Variants in CXADR observed in about 807,000 individuals in gnomAD.
The protein encoded by CXADR is CXADR cell adhesion molecule.
In CXADR, 20 loss-of-function variants were observed where a neutral mutation model predicts 40.3. That is an observed-to-expected ratio of 0.50 (90% CI 0.35 to 0.72). The LOEUF (loss-of-function observed/expected upper bound fraction) is 0.72, where lower values mean the gene tolerates loss of function less well. CXADR is among the 30% of genes least tolerant of loss of function. The pLI is 0.01. For missense variants in CXADR, 332 were observed against 449.1 expected (o/e 0.74, Z 2.36); for synonymous variants, 150 against 161.3 (o/e 0.93, Z 0.53).
downstream of CXADR, among the ~76,000 whole-genome samples, chr21:17,573,634 C>T (rs926702758): frequency 6.6e-6 from 1 of 152,194 alleles, no homozygotes; most frequent in Admixed American, 6.5e-5. Flanking sequence ...TGAGGCTGGG[C>T]ACGGTGGCTC....
At chr21:17,609,962 G>A in the CXADR span, among the ~76,000 whole-genome samples, 1 of 152,136 alleles carries the variant, frequency 6.6e-6, no homozygotes, top group Admixed American at 6.5e-5. Context: ...AAATACTGTG[G>A]TATATACATG....
At chr21:17,594,764 T>A (rs1429586879), downstream of CXADR, among the ~76,000 whole-genome samples, 4 of 151,606 alleles carry the variant, frequency 2.6e-5, no homozygotes, top group Non-Finnish European at 4.4e-5. Flanking sequence ...AACTACCGCA[T>A]GTTCTCACTT....
chr21:17,627,603 TG>T, the CXADR span, among the ~76,000 whole-genome samples: 1 of 152,310 alleles, frequency 6.6e-6, no homozygotes, highest in Non-Finnish European at 1.5e-5. Context: ...TCGGGAAATA[TG>T]GTCTCTACAA....
intron 1 of CXADR, among the ~76,000 whole-genome samples, chr21:17,532,339 A>G (rs142509698): frequency 0.012 from 1,809 of 152,074 alleles, 34 homozygotes; most frequent in African/African-American, 0.042. Flanking sequence ...TTTCCTTTTG[A>G]CTTATAAATG....
chr21:17,612,377 A>C, the CXADR span: 5 of 152,226 alleles, frequency 3.3e-5, no homozygotes, highest in Non-Finnish European at 7.3e-5. Flanking sequence ...AGAGGGTGGG[A>C]AGCCGCGGGG....
At chr21:17,612,799 CAG>C in the CXADR span, 1 of 152,152 alleles carries the variant, frequency 6.6e-6, no homozygotes, top group African/African-American at 2.4e-5. Context: ...CGCTGGGCAA[CAG>C]GGAGCGCAGC....
chr21:17,623,001 T>C, the CXADR span, among the ~76,000 whole-genome samples: 1 of 152,032 alleles, frequency 6.6e-6, no homozygotes, highest in African/African-American at 2.4e-5. Flanking sequence ...TGATGACTCT[T>C]TTTTTTTGAG....
intron 6 of CXADR, among the ~76,000 whole-genome samples, chr21:17,562,698 GT>G (rs1375195654): frequency 6.6e-6 from 1 of 152,188 alleles, no homozygotes; most frequent in Non-Finnish European, 1.5e-5. Context: ...ACTTAGTGTA[GT>G]TACCTTCATC....
chr21:17,564,257 C>T (rs1042886954), intron 6 of CXADR, among the ~76,000 whole-genome samples: 5 of 148,532 alleles, frequency 3.4e-5, no homozygotes, highest in Non-Finnish European at 3.0e-5. Flanking sequence ...CTTTGGGAGG[C>T]GGAGATGGGA....
intron 1 of CXADR, among the ~76,000 whole-genome samples, chr21:17,524,379 T>C (rs976894169): frequency 6.6e-6 from 1 of 151,106 alleles, no homozygotes; most frequent in Non-Finnish European, 1.5e-5. Context: ...CTGGCCAACA[T>C]AGTGAAACCC....
chr21:17,587,366 G>A (rs2061404966), intron 7 of CXADR, among the ~76,000 whole-genome samples: 4 of 152,238 alleles, frequency 2.6e-5, no homozygotes, highest in South Asian at 4.2e-4. Flanking sequence ...CAGTGTAAAA[G>A]TGTTCCTATT....
At chr21:17,617,631 C>T in the CXADR span, among the ~76,000 whole-genome samples, 1 of 152,156 alleles carries the variant, frequency 6.6e-6, no homozygotes, top group African/African-American at 2.4e-5. Context: ...ATTAAGTGTG[C>T]AGTAGCATTG....
intron 1 of CXADR, among the ~76,000 whole-genome samples, chr21:17,517,623 A>C (rs1369650154): frequency 6.6e-6 from 1 of 152,248 alleles, no homozygotes; most frequent in African/African-American, 2.4e-5. Flanking sequence ...TTTAGCAAGC[A>C]CATGCTAGCT....
chr21:17,607,234 T>C, the CXADR span, among the ~76,000 whole-genome samples: 1 of 152,206 alleles, frequency 6.6e-6, no homozygotes, highest in Non-Finnish European at 1.5e-5. Context: ...GTCTGACCTT[T>C]AAATATTTAC....
intron 3 of CXADR, among the ~76,000 whole-genome samples, chr21:17,555,780 G>A (rs1569122321): frequency 1.3e-5 from 2 of 152,204 alleles, no homozygotes; most frequent in East Asian, 3.9e-4. Flanking sequence ...GAGCTACTTC[G>A]AGACTATGCA....
At chr21:17,602,229 G>A in the CXADR span, among the ~76,000 whole-genome samples, 2 of 151,560 alleles carry the variant, frequency 1.3e-5, no homozygotes, top group Non-Finnish European at 2.9e-5. Flanking sequence ...TCTCATCATA[G>A]GCAAGATTTA....
chr21:17,513,211 C>T (rs777432773), intron 1 of CXADR, 39 bp downstream of exon 1: 11 of 1,349,060 alleles, frequency 8.2e-6, no homozygotes, highest in Non-Finnish European at 1.1e-5. Flanking sequence ...CCCGCCCAGC[C>T]CGGGGGCGCT....
intron 2 of CXADR, 107 bp downstream of exon 2, chr21:17,547,300 G>A (rs1453779152): frequency 1.1e-5 from 16 of 1,484,532 alleles, no homozygotes; most frequent in Non-Finnish European, 1.4e-5. Context: ...TAGGAAGGAA[G>A]CCCCCCAACT....
chr21:17,533,109 TAGTTAGGTCTGAA>T, intron 1 of CXADR, among the ~76,000 whole-genome samples: 1 of 152,326 alleles, frequency 6.6e-6, no homozygotes, highest in Non-Finnish European at 1.5e-5. Context: ...AGAACATACT[TAGTTAGGTCTGAA>T]ATAGATAATT....
Sources: allele counts gnomAD v4.1 joint callset (sites outside exome capture counted in the v4.1 genomes callset), GRCh38; gene constraint gnomAD v4.1.1; transcripts MANE v1.5; gene names NCBI Gene and HGNC (gene_info 2026-07-23, HGNC 2026-07-21).